Variants in TENT4A observed in about 807,000 individuals in gnomAD.
TENT4A encodes DNA polymerase kappa.
In TENT4A, 7 loss-of-function variants were observed where a neutral mutation model predicts 72.8. The ratio of observed to expected loss-of-function variants is 0.10; its 90% confidence interval spans 0.05 to 0.18. The LOEUF is 0.18. Ranked by LOEUF, TENT4A falls within the 10% of genes least tolerant of loss-of-function variation. TENT4A has a pLI of 1.00. For missense variants in TENT4A, 831 were observed against 1,017.7 expected (o/e 0.82, Z 2.50); for synonymous variants, 456 against 434.3 (o/e 1.05, Z -0.62).
rs1740240877 is a variant in TENT4A at position 6,714,227 on chromosome 5, GCCGCGCTGCCCC to G, written c.254_265del (p.Pro85_Leu88del). ...CCCGCCGCCCGGCCCCACCGCGCCC[GCCGCGCTGCCCC>G]CCGCGCTGCTGACGGCGCTGGGGCC... is the stretch of plus-strand genomic sequence containing the variant. On this transcript the variant is annotated inframe_deletion, in exon 1 of 13. Coordinates refer to ENST00000230859, the MANE Select transcript of TENT4A (RefSeq NM_006999.6). 2.0e-6 allele frequency: 2 copies of G among 990,980 alleles called. No individual in the cohort carries two copies. Among genetic ancestry groups the G allele is most frequent in the African/African-American group, 3.6e-5 (2 of 56,052 alleles). 61.4% of individuals were successfully genotyped at this position (990,980 alleles called of 1,614,324 possible).
chr5:6,721,281 A>G (rs1345869373), intron 1 of TENT4A, among the ~76,000 whole-genome samples: 2 of 152,230 alleles, frequency 1.3e-5, no homozygotes. Context: ...CATAAACCAA[A>G]TGCTAAGGGA....
intron 1 of TENT4A, among the ~76,000 whole-genome samples, 158 bp from the exon 2 acceptor site, chr5:6,737,352 G>T (rs1741560556): frequency 6.6e-6 from 1 of 152,236 alleles, no homozygotes; most frequent in African/African-American, 2.4e-5. Flanking sequence ...GTGTAAGTTT[G>T]TTGAGCACAG....
chr5:6,741,888 G>A (rs1371377515), intron 4 of TENT4A, among the ~76,000 whole-genome samples: 1 of 152,184 alleles, frequency 6.6e-6, no homozygotes, highest in Non-Finnish European at 1.5e-5. Context: ...TACTGGTGGG[G>A]TGGAGGGTGG....
At position 6,714,718 on chromosome 5, in the gene TENT4A, CGCGGGG is replaced by C. The variant is rs902543687; in HGVS notation, c.716+32_716+37del. The stretch of plus-strand genomic sequence containing the variant: ...TCCAGGGGTGAGTGCGCGGGGAGGC[CGCGGGG>C]GCGGGGGCGGGGCCCATGGTCCTGG... On this transcript the variant is annotated intron_variant, in intron 1 of 12. Transcript: ENST00000230859. 2 of 1,172,084 alleles carry C rather than the reference CGCGGGG, an allele frequency of 1.7e-6. No individual in the cohort carries two copies. The highest frequency in any genetic ancestry group is 1.6e-5 in the African/African-American group (1 of 62,400). 72.6% of individuals were successfully genotyped at this position (1,172,084 alleles called of 1,614,324 possible).
chr5:6,744,892 A>G (rs1742004794), intron 6 of TENT4A, among the ~76,000 whole-genome samples: 1 of 152,186 alleles, frequency 6.6e-6, no homozygotes, highest in African/African-American at 2.4e-5. Flanking sequence ...AACAACAGCT[A>G]CTTAATACTT....
At chr5:6,748,805 A>G (rs1742242924) in intron 8 of TENT4A, among the ~76,000 whole-genome samples, 1 of 152,002 alleles carries the variant, frequency 6.6e-6, no homozygotes, top group African/African-American at 2.4e-5. Context: ...TTTCTTGGAG[A>G]TTTGACATTT....
At chr5:6,724,714 A>G (rs1411613872) in intron 1 of TENT4A, among the ~76,000 whole-genome samples, 5 of 152,378 alleles carry the variant, frequency 3.3e-5, no homozygotes, top group Middle Eastern at 3.4e-3. Context: ...TGGTTGGGGA[A>G]GATGACTTGC....
At chr5:6,739,584 C>T in intron 3 of TENT4A, 148 bp from the exon 4 acceptor site, 1 of 817,714 alleles carries the variant, frequency 1.2e-6, no homozygotes, top group South Asian at 1.9e-5. Flanking sequence ...AACTGCACTT[C>T]ACCTCCTTAG....
intron 6 of TENT4A, among the ~76,000 whole-genome samples, chr5:6,744,481 A>G (rs1741977247): frequency 6.6e-6 from 1 of 152,204 alleles, no homozygotes; most frequent in Non-Finnish European, 1.5e-5. Flanking sequence ...CCTTTACAAA[A>G]TCTTGCCTAT....
intron 6 of TENT4A, among the ~76,000 whole-genome samples, chr5:6,744,430 G>A (rs761898240): frequency 3.9e-5 from 6 of 152,208 alleles, no homozygotes; most frequent in Non-Finnish European, 5.9e-5. Context: ...AATTGGAACA[G>A]TAATTATTCC....
chr5:6,736,740 G>A (rs1741526164), intron 1 of TENT4A, among the ~76,000 whole-genome samples: 1 of 152,200 alleles, frequency 6.6e-6, no homozygotes, highest in African/African-American at 2.4e-5. Flanking sequence ...GCGGCGTGAG[G>A]CGTCTTCCAG....
At position 6,714,232 on chromosome 5, in the gene TENT4A, G is replaced by A; in HGVS notation, c.249G>A (p.Ala83=). 1 of 994,502 alleles carries A rather than the reference G, an allele frequency of 1.0e-6. No homozygotes were observed. The highest frequency in any genetic ancestry group is 1.2e-6 in the Non-Finnish European group (1 of 839,274). 61.6% of individuals were successfully genotyped at this position (994,502 alleles called of 1,614,324 possible). A position where few individuals can be genotyped will look rare whatever the true frequency, so the allele number is the denominator to read the frequency against. The change falls in exon 1 of 13, where the codon GCG becomes GCA. Residue 83 remains alanine, a synonymous_variant. Coordinates refer to ENST00000230859, the MANE Select transcript of TENT4A (RefSeq NM_006999.6). ...CGCCCGGCCCCACCGCGCCCGCCGC[G>A]CTGCCCCCCGCGCTGCTGACGGCGC... ...PPPPGPTAPA[A]LPPALLTALG... is the part of the protein sequence containing the mutation.
intron 12 of TENT4A, among the ~76,000 whole-genome samples, chr5:6,753,417 G>A (rs762345935): frequency 2.0e-5 from 3 of 152,246 alleles, no homozygotes; most frequent in African/African-American, 7.2e-5. Flanking sequence ...ATGATGTCCC[G>A]TGTATGCTGC....
intron 1 of TENT4A, chr5:6,715,027 C>G (rs977915103): frequency 3.4e-5 from 6 of 175,582 alleles, no homozygotes; most frequent in Admixed American, 6.3e-5. Flanking sequence ...TGAGGAACCC[C>G]TTGTCAAAGT....
At chr5:6,733,320 C>T (rs970643529) in intron 1 of TENT4A, among the ~76,000 whole-genome samples, 3 of 152,248 alleles carry the variant, frequency 2.0e-5, no homozygotes, top group Admixed American at 6.5e-5. Flanking sequence ...TGCTTCCCGG[C>T]GTGCCGCCAG....
intron 1 of TENT4A, among the ~76,000 whole-genome samples, chr5:6,734,133 G>A (rs1305711247): frequency 6.6e-6 from 1 of 152,238 alleles, no homozygotes; most frequent in Non-Finnish European, 1.5e-5. Flanking sequence ...GCAGTGCGCT[G>A]TTGCGTCCAT....
At chr5:6,734,816 G>T (rs961616898) in intron 1 of TENT4A, among the ~76,000 whole-genome samples, 1 of 152,204 alleles carries the variant, frequency 6.6e-6, no homozygotes, top group Non-Finnish European at 1.5e-5. Flanking sequence ...TGATTTAGGG[G>T]AGGAATACCA....
intron 1 of TENT4A, among the ~76,000 whole-genome samples, chr5:6,728,097 G>A (rs1421695370): frequency 6.6e-6 from 1 of 152,200 alleles, no homozygotes; most frequent in Non-Finnish European, 1.5e-5. Flanking sequence ...TTGACTGTAC[G>A]GAGGGCAGGG....
intron 6 of TENT4A, among the ~76,000 whole-genome samples, chr5:6,744,624 A>G (rs966733346): frequency 6.6e-6 from 1 of 152,218 alleles, no homozygotes; most frequent in East Asian, 1.9e-4. Flanking sequence ...TAGTAGAATC[A>G]CTGGGTAACT....
Sources: gnomAD v4.1 joint callset for allele counts (sites outside exome capture counted in the v4.1 genomes callset) on GRCh38, gnomAD v4.1.1 for gene constraint, MANE v1.5 for transcripts, NCBI Gene and HGNC (gene_info 2026-07-23, HGNC 2026-07-21) for gene names.